ASTN1: variants seen among roughly 807,000 people sequenced by gnomAD.
ASTN1 encodes the protein astrotactin 1, also known as astrotactin-1.
A neutral mutation model predicts 140.7 loss-of-function variants in ASTN1; 41 were observed. The observed-to-expected ratio is 0.29, with a 90% CI of 0.23 to 0.38. The LOEUF (loss-of-function observed/expected upper bound fraction) is 0.38. ASTN1 is among the 10% of genes least tolerant of loss of function. The pLI, the probability that ASTN1 is intolerant of heterozygous loss-of-function variation, is 1.00. For synonymous variants in ASTN1, 640 were observed against 652.2 expected (o/e 0.98, Z 0.29); for missense variants, 1,479 against 1,678.8 (o/e 0.88, Z 2.08).
At chr1:176,887,334 CT>C (rs1261213272) in intron 18 of ASTN1, among the ~76,000 whole-genome samples, 1 of 152,206 alleles carries the variant, frequency 6.6e-6, no homozygotes, top group African/African-American at 2.4e-5. Context: ...TCAAACCTGC[CT>C]ATCCTTTGAT....
intron 1 of ASTN1, among the ~76,000 whole-genome samples, chr1:177,131,349 CA>C (rs1297965060): frequency 4.7e-5 from 7 of 149,368 alleles, no homozygotes; most frequent in East Asian, 2.0e-4. Flanking sequence ...GGTATAATTG[CA>C]AAAAAAAAGT....
intron 1 of ASTN1, among the ~76,000 whole-genome samples, chr1:177,123,126 A>C (rs929498843): frequency 6.6e-6 from 1 of 152,138 alleles, no homozygotes; most frequent in Admixed American, 6.5e-5. Flanking sequence ...GGGGTGCAGA[A>C]ACACATTCTT....
chr1:176,880,416 G>A (rs1668748280), intron 20 of ASTN1, among the ~76,000 whole-genome samples: 1 of 152,064 alleles, frequency 6.6e-6, no homozygotes, highest in South Asian at 2.1e-4. Context: ...TCACACGTCC[G>A]GAAAGAGAGC....
intron 2 of ASTN1, among the ~76,000 whole-genome samples, chr1:177,040,177 T>C (rs984320432): frequency 6.6e-6 from 1 of 152,246 alleles, no homozygotes; most frequent in Non-Finnish European, 1.5e-5. Context: ...GAAAACACTT[T>C]AAGCATATTA....
chr1:177,122,110 T>C (rs1681419842), intron 1 of ASTN1, among the ~76,000 whole-genome samples: 1 of 152,200 alleles, frequency 6.6e-6, no homozygotes, highest in Non-Finnish European at 1.5e-5. Flanking sequence ...GACCCTACTG[T>C]TACCTGCCAA....
intron 1 of ASTN1, among the ~76,000 whole-genome samples, chr1:177,128,313 G>GC (rs1286534375): frequency 7.2e-5 from 11 of 152,170 alleles, no homozygotes; most frequent in African/African-American, 2.7e-4. Flanking sequence ...CAGACTCTAC[G>GC]CCTAGTATTA....
intron 8 of ASTN1, among the ~76,000 whole-genome samples, chr1:176,991,345 G>A (rs112201172): frequency 3.6e-4 from 52 of 144,870 alleles, no homozygotes; most frequent in African/African-American, 1.0e-3. Flanking sequence ...CCTGGGAGGC[G>A]AAGGTTGCAG....
At chr1:176,869,415 T>G (rs1668252726) in intron 21 of ASTN1, among the ~76,000 whole-genome samples, 1 of 152,192 alleles carries the variant, frequency 6.6e-6, no homozygotes, top group South Asian at 2.1e-4. Context: ...AGTTACAATA[T>G]TCTTTCTTTT....
At chr1:176,950,082 C>T (rs1672134261) in intron 11 of ASTN1, among the ~76,000 whole-genome samples, 1 of 152,162 alleles carries the variant, frequency 6.6e-6, no homozygotes, top group Admixed American at 6.5e-5. Flanking sequence ...ATATACTCCC[C>T]AAGAATTATA....
chr1:176,981,775 T>C (rs1453468284), intron 8 of ASTN1: 1 of 152,688 alleles, frequency 6.5e-6, no homozygotes, highest in African/African-American at 2.4e-5. Flanking sequence ...TTCACTGTGC[T>C]AGGGAAGGGA....
intron 1 of ASTN1, among the ~76,000 whole-genome samples, chr1:177,131,793 G>A (rs1681956010): frequency 6.6e-6 from 1 of 152,158 alleles, no homozygotes; most frequent in Non-Finnish European, 1.5e-5. Flanking sequence ...TCTGCATCTG[G>A]TGAGAGCCTC....
chr1:176,936,153 C>G, intron 15 of ASTN1, 113 bp downstream of exon 15: 6 of 873,472 alleles, frequency 6.9e-6, no homozygotes, highest in Non-Finnish European at 1.1e-5. Context: ...ACATCTCATG[C>G]AATAGCTACA....
chr1:177,030,900 TATA>T lies in ASTN1; in HGVS notation c.915_917del (p.Ile306del). The T allele has an allele frequency of 6.2e-7, 1 of 1,614,162 alleles. No individual in the cohort carries two copies. The highest frequency in any genetic ancestry group is 8.5e-7 in the Non-Finnish European group (1 of 1,180,014). ...GGTTGGAGTCCACAGGGCTAGTGGCTATAATATTATCTTTATACTTGTTCATCA... is the reference window on the plus strand; with the variant it reads ...GGTTGGAGTCCACAGGGCTAGTGGCTATATTATCTTTATACTTGTTCATCA... On this transcript the variant is annotated inframe_deletion, in exon 4 of 23. Coordinates refer to ENST00000361833, the MANE Select transcript of ASTN1 (RefSeq NM_004319.3).
Position 177,086,965 on chromosome 1 carries a change from G to A in ASTN1, c.284-25700C>T, listed in dbSNP as rs531486886. Among the ~76,000 whole-genome samples the A allele has an allele frequency of 8.5e-5, 13 of 152,296 alleles. No homozygotes were observed. In the South Asian group the frequency reaches 2.5e-3, roughly 29 times the overall value. ...TCAGAAAGTTATTTGCATGGATACA[G>A]ACTATCATAGCTACAGAGAACTAGA... On this transcript the variant is annotated intron_variant, in intron 1 of 22. Coordinates refer to ENST00000361833, the MANE Select transcript of ASTN1 (RefSeq NM_004319.3).
At chr1:177,070,375 G>A (rs893536184) in intron 1 of ASTN1, among the ~76,000 whole-genome samples, 4 of 152,180 alleles carry the variant, frequency 2.6e-5, no homozygotes, top group African/African-American at 9.7e-5. Flanking sequence ...GATCCTAAAC[G>A]ATTTCAGTAA....
At chr1:177,002,073 G>A (rs1214758176) in intron 8 of ASTN1, among the ~76,000 whole-genome samples, 1 of 152,124 alleles carries the variant, frequency 6.6e-6, no homozygotes, top group Non-Finnish European at 1.5e-5. Context: ...ACCCACAGAA[G>A]TCTAGGGACC....
intron 20 of ASTN1, among the ~76,000 whole-genome samples, chr1:176,881,045 C>T (rs1380636302): frequency 6.6e-6 from 1 of 152,184 alleles, no homozygotes; most frequent in African/African-American, 2.4e-5. Flanking sequence ...GCTTGCAGCC[C>T]ATGTATTCTT....
intron 1 of ASTN1, among the ~76,000 whole-genome samples, chr1:177,097,989 G>C (rs919236453): frequency 6.6e-6 from 1 of 152,076 alleles, no homozygotes; most frequent in Non-Finnish European, 1.5e-5. Context: ...TCTATCTCTT[G>C]ACTATTTCTG....
At chr1:177,163,766 G>A (rs973595141) in intron 1 of ASTN1, among the ~76,000 whole-genome samples, 1 of 152,114 alleles carries the variant, frequency 6.6e-6, no homozygotes, top group East Asian at 1.9e-4. Flanking sequence ...GTTGAATTAG[G>A]GGGTTGTGAC....
Sources: allele counts gnomAD v4.1 joint callset (sites outside exome capture counted in the v4.1 genomes callset), GRCh38; gene constraint gnomAD v4.1.1; transcripts MANE v1.5; gene names NCBI Gene and HGNC (gene_info 2026-07-23, HGNC 2026-07-21).